Variants in CDH13 observed in about 807,000 individuals in gnomAD.
CDH13 encodes cadherin-13.
Under a neutral mutation model 63.8 loss-of-function variants are expected in CDH13, and 24 were observed. That is an observed-to-expected ratio of 0.38 (90% confidence interval 0.27 to 0.53). CDH13 has a LOEUF of 0.53. Ranked by LOEUF, CDH13 falls within the 20% of genes least tolerant of loss-of-function variation. CDH13 has a pLI of 0.85. For synonymous variants in CDH13, 503 were observed against 355.3 expected, an observed-to-expected ratio of 1.42 and a Z score of -4.67; for missense variants, 1,049 against 903.1, an observed-to-expected ratio of 1.16 and a Z score of -2.07.
intron 4 of CDH13, among the ~76,000 whole-genome samples, chr16:83,181,655 G>A (rs570003501): frequency 1.7e-3 from 252 of 152,290 alleles, no homozygotes; most frequent in Non-Finnish European, 2.6e-3. Context: ...AGGGGGAGAA[G>A]AGGGGATGAC....
chr16:83,580,061 G>A (rs1337840090), intron 7 of CDH13, among the ~76,000 whole-genome samples: 1 of 152,112 alleles, frequency 6.6e-6, no homozygotes, highest in Non-Finnish European at 1.5e-5. Context: ...ATAGATAATG[G>A]ATGAGGGGAG....
chr16:83,739,367 A>C (rs1173932677), intron 10 of CDH13, among the ~76,000 whole-genome samples: 2 of 152,174 alleles, frequency 1.3e-5, no homozygotes, highest in Non-Finnish European at 2.9e-5. Flanking sequence ...GTGTGACCCC[A>C]CTGGGAGCAG....
chr16:83,687,773 T>G (rs1481140424), intron 10 of CDH13, among the ~76,000 whole-genome samples: 1 of 152,308 alleles, frequency 6.6e-6, no homozygotes, highest in East Asian at 1.9e-4. Context: ...CACAGAACTT[T>G]CCAAGTCCAT....
chr16:82,899,356 T>G lies in CDH13; in HGVS notation c.157+40883T>G, dbSNP rs13339478. ...TATTCTTTTAATAATTCATTGATCT[T>G]AACAATACAATACATCAATGGTTTA... is the stretch of plus-strand genomic sequence containing the variant. On this transcript the variant is annotated intron_variant, in intron 2 of 13. Coordinates refer to ENST00000567109, the MANE Select transcript of CDH13 (RefSeq NM_001257.5). Among the ~76,000 whole-genome samples the G allele has an allele frequency of 3.2e-3, 494 of 152,342 alleles. 5 individuals carry two copies. The highest frequency in any genetic ancestry group is 0.011 in the African/African-American group (477 of 41,578).
chr16:82,984,137 A>G (rs1422045569), intron 2 of CDH13, among the ~76,000 whole-genome samples: 5 of 152,174 alleles, frequency 3.3e-5, no homozygotes, highest in East Asian at 1.9e-4. Context: ...CAAATATTCT[A>G]AATTTGGATT....
At chr16:83,387,232 A>G (rs2091692597) in intron 6 of CDH13, among the ~76,000 whole-genome samples, 1 of 152,166 alleles carries the variant, frequency 6.6e-6, no homozygotes, top group African/African-American at 2.4e-5. Flanking sequence ...GAGATGCCAT[A>G]TTTGATCCTC....
chr16:83,216,430 A>AAATATG (rs2039527472), intron 4 of CDH13, among the ~76,000 whole-genome samples: 1 of 112,672 alleles, frequency 8.9e-6, no homozygotes, highest in African/African-American at 3.1e-5. Flanking sequence ...ATATATATAT[A>AAATATG]TATATATATA....
At chr16:82,725,545 G>A (rs929029726) in intron 1 of CDH13, among the ~76,000 whole-genome samples, 1 of 152,188 alleles carries the variant, frequency 6.6e-6, no homozygotes, top group Non-Finnish European at 1.5e-5. Context: ...ATGGTAAAAT[G>A]ATCTGCATAA....
chr16:83,471,993 ACTTCT>A (rs1383342879), intron 6 of CDH13, among the ~76,000 whole-genome samples: 1 of 152,166 alleles, frequency 6.6e-6, no homozygotes, highest in Non-Finnish European at 1.5e-5. Context: ...TTCATTGAAG[ACTTCT>A]CTTCTGCTTC....
intron 6 of CDH13, among the ~76,000 whole-genome samples, chr16:83,443,068 ATCTG>A (rs2072529563): frequency 6.6e-6 from 1 of 152,222 alleles, no homozygotes; most frequent in African/African-American, 2.4e-5. Flanking sequence ...TCAGACCTCA[ATCTG>A]CATATTTCAT....
intron 10 of CDH13, among the ~76,000 whole-genome samples, chr16:83,710,953 A>T (rs1424320326): frequency 6.6e-6 from 1 of 152,192 alleles, no homozygotes; most frequent in Non-Finnish European, 1.5e-5. Flanking sequence ...AACTACGATG[A>T]ATGTTAGCAA....
rs935542783 is a variant in CDH13 at position 82,888,147 on chromosome 16, T to A, written c.157+29674T>A. Among the ~76,000 whole-genome samples the A allele has an allele frequency of 2.0e-5, 3 of 152,220 alleles. 1 individual carries two copies. Among genetic ancestry groups the A allele is most frequent in the Non-Finnish European group, 4.4e-5 (3 of 68,040 alleles). On this transcript the variant is annotated intron_variant, in intron 2 of 13. Coordinates refer to ENST00000567109, the MANE Select transcript of CDH13 (RefSeq NM_001257.5). The stretch of plus-strand genomic sequence containing the variant: ...GTTCCAAAAAGCACCGAACAACCTT[T>A]TGGGAAGAAAACATACATAGTGTGT...
At chr16:83,316,218 C>T (rs1052499722) in intron 5 of CDH13, among the ~76,000 whole-genome samples, 1 of 152,154 alleles carries the variant, frequency 6.6e-6, no homozygotes, top group African/African-American at 2.4e-5. Flanking sequence ...CCACGAGGTC[C>T]CTCCCCAAAC....
intron 5 of CDH13, among the ~76,000 whole-genome samples, chr16:83,288,574 C>T (rs767864717): frequency 4.6e-5 from 7 of 152,210 alleles, no homozygotes; most frequent in South Asian, 2.1e-4. Flanking sequence ...ACAGAGCCAG[C>T]TGTCCAGGCA....
At chr16:83,591,210 G>T (rs1292134920) in intron 7 of CDH13, among the ~76,000 whole-genome samples, 1 of 152,020 alleles carries the variant, frequency 6.6e-6, no homozygotes, top group Non-Finnish European at 1.5e-5. Flanking sequence ...CACCCAGCTG[G>T]ACAAGCACTT....
At chr16:82,900,413 C>G (rs933661679) in intron 2 of CDH13, among the ~76,000 whole-genome samples, 8 of 105,428 alleles carry the variant, frequency 7.6e-5, no homozygotes, top group African/African-American at 3.1e-4. Flanking sequence ...CAAGTGTGGC[C>G]TGGTTCAAGA....
intron 2 of CDH13, among the ~76,000 whole-genome samples, chr16:83,008,221 G>A (rs955298884): frequency 7.9e-5 from 12 of 152,182 alleles, no homozygotes; most frequent in African/African-American, 2.9e-4. Flanking sequence ...AATAAGAAGT[G>A]CTAAGGAGAA....
At chr16:83,531,989 G>T (rs2075093817) in intron 7 of CDH13, among the ~76,000 whole-genome samples, 1 of 152,150 alleles carries the variant, frequency 6.6e-6, no homozygotes, top group Non-Finnish European at 1.5e-5. Context: ...GAGGCACCCG[G>T]TGGGAGGTAA....
chr16:83,150,312 C>T (rs1389125249), intron 4 of CDH13, among the ~76,000 whole-genome samples: 1 of 152,172 alleles, frequency 6.6e-6, no homozygotes, highest in Non-Finnish European at 1.5e-5. Flanking sequence ...CTCTCTCTGT[C>T]TCATGTCTAT....
Sources: gnomAD v4.1 joint callset for allele counts (sites outside exome capture counted in the v4.1 genomes callset) on GRCh38, gnomAD v4.1.1 for gene constraint, MANE v1.5 for transcripts, NCBI Gene and HGNC (gene_info 2026-07-23, HGNC 2026-07-21) for gene names.